The following TPR variants were observed in gnomAD, a reference collection of about 807,000 sequenced individuals.
TPR encodes the protein translocated promoter region, nuclear basket protein.
A neutral mutation model predicts 316.1 loss-of-function variants in TPR; 51 were observed. The observed-to-expected ratio is 0.16, with a 90% confidence interval of 0.13 to 0.20. The LOEUF (loss-of-function observed/expected upper bound fraction) is 0.20. Among genes scored for constraint, TPR ranks in the 10% least tolerant of loss-of-function variants. The pLI is 1.00. For synonymous variants in TPR, 981 were observed against 914.7 expected (o/e 1.07, Z -1.31); for missense variants, 2,272 against 2,754.8 (o/e 0.82, Z 3.92).
chr1:186,322,069 A>T (rs1334823827), intron 45 of TPR, among the ~76,000 whole-genome samples: 1 of 152,228 alleles, frequency 6.6e-6, no homozygotes, highest in Non-Finnish European at 1.5e-5. Context: ...CTAACTCTAG[A>T]GGCCATGTTC....
Position 186,363,335 on chromosome 1 carries a change from T to A in TPR, c.531+7A>T. On this transcript the variant is annotated splice_region_variant and intron_variant, in intron 5 of 50. Coordinates refer to ENST00000367478, the MANE Select transcript of TPR (RefSeq NM_003292.3). ...AGTTTATGCATTAGGAATCATCTGG[T>A]ACTTGCCTTAACAGAAACATCAGAA... 1.2e-6 allele frequency: 2 copies of A among 1,602,248 alleles called. No homozygotes were observed. Among genetic ancestry groups the A allele is most frequent in the Non-Finnish European group, 1.7e-6 (2 of 1,170,130 alleles).
chr1:186,375,130 T>C lies in TPR; in HGVS notation c.-102A>G. On this transcript the variant is annotated 5_prime_UTR_variant, in exon 1 of 51. Transcript: ENST00000367478. ...CCAGACGCCTGGGCCGCCGCCTCTA[T>C]CACCTCGCTCGGTGGCTCGCGCGCG... is the stretch of plus-strand genomic sequence containing the variant. The C allele has an allele frequency of 1.3e-6, 2 of 1,559,836 alleles. No individual in the cohort carries two copies. The highest frequency in any genetic ancestry group is 1.2e-5 in the South Asian group (1 of 86,018).
chr1:186,350,138 T>C, intron 21 of TPR, 85 bp downstream of exon 21: 1 of 1,238,088 alleles, frequency 8.1e-7, no homozygotes, highest in South Asian at 1.8e-5. Context: ...TCACAAAGAA[T>C]TAGGCTATTT....
intron 1 of TPR, 98 bp from the exon 2 acceptor site, chr1:186,373,561 T>G (rs1401877016): frequency 1.5e-6 from 1 of 678,208 alleles, no homozygotes; most frequent in East Asian, 2.7e-5. Flanking sequence ...TTTTAAAACT[T>G]AAGATACAGT....
At chr1:186,369,058 C>T (rs780464093) in intron 3 of TPR, among the ~76,000 whole-genome samples, 1 of 152,122 alleles carries the variant, frequency 6.6e-6, no homozygotes, top group Non-Finnish European at 1.5e-5. Context: ...ATTAGTTGAC[C>T]ATATGTTTGG....
At chr1:186,370,124 T>G (rs1480224695) in intron 3 of TPR, among the ~76,000 whole-genome samples, 1 of 152,166 alleles carries the variant, frequency 6.6e-6, no homozygotes, top group East Asian at 1.9e-4. Flanking sequence ...TTTATAAAAC[T>G]TGAATATGTG....
chr1:186,336,402 A>C, intron 33 of TPR, 94 bp downstream of exon 33: 1 of 1,199,984 alleles, frequency 8.3e-7, no homozygotes, highest in Non-Finnish European at 1.2e-6. Flanking sequence ...ACCCTTCATA[A>C]GTAGATACCT....
chr1:186,361,471 G>C (rs1273298121), intron 9 of TPR, 151 bp downstream of exon 9: 4 of 642,744 alleles, frequency 6.2e-6, no homozygotes. Flanking sequence ...ATATAATTCT[G>C]AATTTCCTAA....
intron 49 of TPR, among the ~76,000 whole-genome samples, chr1:186,317,062 T>C (rs575641775): frequency 8.5e-5 from 13 of 152,344 alleles, no homozygotes; most frequent in African/African-American, 1.4e-4. Flanking sequence ...CCCCAATATG[T>C]AGAACACATA....
At chr1:186,322,908 G>A (rs1657810775) in intron 43 of TPR, among the ~76,000 whole-genome samples, 1 of 152,144 alleles carries the variant, frequency 6.6e-6, no homozygotes, top group Admixed American at 6.5e-5. Flanking sequence ...GTGTTAGCAA[G>A]TATTCTTTTG....
rs1181301646 is a variant in TPR, at chr1:186,352,012, C to T, written c.2433G>A (p.Gly811=). ...GCAGATTAGTTAGCAGTAAGTTTTG[C>T]CCCCTTTGTTCAGCTAACAAAGACT... is the stretch of plus-strand genomic sequence containing the variant. ...QRESLLAEQR[G]QNLLLTNLQT... Residue 811 remains glycine (G), a synonymous_variant, in exon 19 of 51, where the codon GGG becomes GGA. Coordinates refer to ENST00000367478, the MANE Select transcript of TPR (RefSeq NM_003292.3). 4.4e-6 allele frequency: 7 copies of T among 1,605,706 alleles called. No homozygotes were observed. Among genetic ancestry groups the T allele is most frequent in the African/African-American group, 1.3e-5 (1 of 74,462 alleles).
At chr1:186,349,287 C>T (rs1298570573) in intron 21 of TPR, among the ~76,000 whole-genome samples, 1 of 152,174 alleles carries the variant, frequency 6.6e-6, no homozygotes, top group Non-Finnish European at 1.5e-5. Flanking sequence ...ACTGCTTTTG[C>T]ACCACAGGTT....
chr1:186,350,252 G>T lies in TPR; in HGVS notation c.2747C>A (p.Ala916Asp), dbSNP rs771650853. 1 of 1,611,224 alleles carries T rather than the reference G, an allele frequency of 6.2e-7. No individual in the cohort carries two copies. The highest frequency in any genetic ancestry group is 8.5e-7 in the Non-Finnish European group (1 of 1,179,182). Reference sequence around the variant, plus strand: ...ACCAGTTCTCTGTGAAGACTGAGAAGCAACTTGGACTTCCATATTACTGAG... The same window carrying T: ...ACCAGTTCTCTGTGAAGACTGAGAATCAACTTGGACTTCCATATTACTGAG... ...QHLSNMEVQV[A>D]SQSSQRTGKG... Residue 916 changes from alanine to aspartate, a missense_variant, in exon 21 of 51, where the codon GCT becomes GAT. This residue lies in a region of TPR where 757 missense variants were observed against 859.8 expected (regional missense o/e 0.88). Coordinates refer to ENST00000367478, the MANE Select transcript of TPR (RefSeq NM_003292.3).
intron 17 of TPR, 47 bp from the exon 18 acceptor site, chr1:186,353,897 G>T: frequency 6.4e-7 from 1 of 1,563,542 alleles, no homozygotes; most frequent in South Asian, 1.2e-5. Flanking sequence ...TGATATCCTA[G>T]CTTAATCCCT....
At position 186,357,425 on chromosome 1, in the gene TPR, T is replaced by C. The variant is rs1659062073; in HGVS notation, c.1696A>G (p.Arg566Gly). The change falls in exon 14 of 51, where the codon AGA (arginine) becomes GGA (glycine). Residue 566 changes from arginine (R) to glycine (G), a missense_variant. Transcript: ENST00000367478. ...ALRELGETRE[R>G]EEQETTSSKI... ...GATGAAGTTGTTTCTTGTTCTTCTC[T>C]TTCTCTGGTTTCCCCAAGCTCTCTA... 1 of 1,613,940 alleles carries C rather than the reference T, an allele frequency of 6.2e-7. No homozygotes were observed. The highest frequency in any genetic ancestry group is 1.7e-5 in the Admixed American group (1 of 59,970).
At chr1:186,347,977 ACTG>A (rs1257971843) in intron 21 of TPR, among the ~76,000 whole-genome samples, 10 of 152,192 alleles carry the variant, frequency 6.6e-5, no homozygotes, top group Non-Finnish European at 5.9e-5. Flanking sequence ...CACTGTGATA[ACTG>A]CTAACTGTAC....
intron 27 of TPR, 118 bp from the exon 28 acceptor site, chr1:186,341,507 A>G: frequency 8.6e-7 from 1 of 1,168,120 alleles, no homozygotes; most frequent in South Asian, 1.9e-5. Context: ...TTCAACTTTT[A>G]GAACTAAAAT....
rs772729367 is a variant in TPR, at chr1:186,332,159, G to A, written c.5604+36C>T. The A allele has an allele frequency of 5.1e-6, 8 of 1,581,888 alleles. No homozygotes were observed. The Admixed American group carries it at 1.4e-4, about 28-fold the overall frequency. ...TGAAAAGAGTACCTTAACTCTACTG[G>A]TAAAAGTTAAAATACACAGAAAGAA... On this transcript the variant is annotated intron_variant, in intron 38 of 50. Coordinates refer to ENST00000367478, the MANE Select transcript of TPR (RefSeq NM_003292.3).
At chr1:186,351,884 A>C (rs1658871189) in intron 19 of TPR, 92 bp downstream of exon 19, 6 of 1,423,330 alleles carry the variant, frequency 4.2e-6, no homozygotes, top group Non-Finnish European at 5.7e-6. Context: ...AAAGTGATGG[A>C]TAAATTTTCT....
Sources: allele counts gnomAD v4.1 joint callset (sites outside exome capture counted in the v4.1 genomes callset), GRCh38; gene constraint gnomAD v4.1.1; regional missense constraint gnomAD v4.1.1; transcripts MANE v1.5; gene names NCBI Gene and HGNC (gene_info 2026-07-23, HGNC 2026-07-21).